Variants in DRAM2 observed in about 807,000 individuals in gnomAD.
DRAM2 encodes DNA damage regulated autophagy modulator 2, also known as DNA damage-regulated autophagy modulator protein 2.
Under a neutral mutation model 33.5 loss-of-function variants are expected in DRAM2, and 26 were observed. The ratio of observed to expected loss-of-function variants is 0.78; its 90% confidence interval spans 0.57 to 1.08. The LOEUF (loss-of-function observed/expected upper bound fraction) is 1.08, where lower values mean the gene tolerates loss of function less well. DRAM2 is among the 50% of genes least tolerant of loss of function. The probability of loss-of-function intolerance (pLI) is 0.00; values close to 1 mark genes in which losing one functional copy is unlikely to be tolerated. For missense variants in DRAM2, 311 were observed against 318.1 expected (o/e 0.98, Z 0.17); for synonymous variants, 98 against 109.5 (o/e 0.89, Z 0.66).
Position 111,140,065 on chromosome 1 carries a change from TGGCGCC to T in DRAM2, c.-278_-273del, listed in dbSNP as rs1159320830. The stretch of plus-strand genomic sequence containing the variant: ...TACCAGACCGACTAGCGCTGGCCGC[TGGCGCC>T]GAAGCCCCTATGCTAAAAGGAGACA... On this transcript the variant is annotated 5_prime_UTR_variant, in exon 1 of 10. Coordinates refer to ENST00000484310, the MANE Select transcript of DRAM2 (RefSeq NM_001349884.2). The T allele has an allele frequency of 1.3e-5, 2 of 152,484 alleles. No individual in the cohort carries two copies. The allele number at this position is 152,484 out of a possible 1,614,324, so 9.4% of individuals were successfully genotyped here. A position where few individuals can be genotyped will look rare whatever the true frequency, so the allele number is the denominator to read the frequency against.
At chr1:111,120,410 A>C in intron 7 of DRAM2, 106 bp downstream of exon 7, 1 of 408,708 alleles carries the variant, frequency 2.4e-6, no homozygotes, top group Non-Finnish European at 3.7e-6. Flanking sequence ...AAAAAAAAAA[A>C]AAAAAAAAAG....
chr1:111,131,285 TCC>T (rs1652021812), intron 4 of DRAM2, 137 bp downstream of exon 4: 1 of 944,002 alleles, frequency 1.1e-6, no homozygotes, highest in East Asian at 2.7e-5. Flanking sequence ...AAATTCAAGT[TCC>T]TTTTTATATT....
At chr1:111,130,572 C>CACAT (rs1651859481) in intron 4 of DRAM2, among the ~76,000 whole-genome samples, 1 of 151,124 alleles carries the variant, frequency 6.6e-6, no homozygotes, top group South Asian at 2.1e-4. Flanking sequence ...TGGTGGTGTG[C>CACAT]GCCTGTAATT....
chr1:111,124,962 A>C, intron 5 of DRAM2, 81 bp from the exon 6 acceptor site: 4 of 1,186,512 alleles, frequency 3.4e-6, no homozygotes, highest in Non-Finnish European at 4.7e-6. Flanking sequence ...CACAAAGGTC[A>C]CTGCTATCCA....
intron 3 of DRAM2, among the ~76,000 whole-genome samples, chr1:111,137,224 A>G (rs372844797): frequency 1.6e-4 from 24 of 150,146 alleles, no homozygotes; most frequent in African/African-American, 5.6e-4. Context: ...ACTGCACTCC[A>G]ACCTGGGCGA....
chr1:111,126,818 C>T (rs950718390), intron 4 of DRAM2, among the ~76,000 whole-genome samples: 1 of 152,198 alleles, frequency 6.6e-6, no homozygotes, highest in Admixed American at 6.5e-5. Flanking sequence ...CCCCTGCCCT[C>T]GCGGAGCTTA....
At chr1:111,129,331 TCATATAGAGGCTGAATACTTTCAGGGGTG>T (rs1651617082) in intron 4 of DRAM2, among the ~76,000 whole-genome samples, 4 of 152,168 alleles carry the variant, frequency 2.6e-5, no homozygotes, top group Admixed American at 2.6e-4. Flanking sequence ...TTCAAAAGCA[TCATATAGAGGCTGAATACTTTCAGGGGTG>T]GACCTAACTA....
intron 6 of DRAM2, among the ~76,000 whole-genome samples, chr1:111,120,930 A>G: frequency 6.6e-6 from 1 of 152,146 alleles, no homozygotes; most frequent in East Asian, 1.9e-4. Context: ...ATATAATAGG[A>G]ATTATTCATT....
At chr1:111,129,646 T>A (rs1409742870) in intron 4 of DRAM2, among the ~76,000 whole-genome samples, 1 of 152,126 alleles carries the variant, frequency 6.6e-6, no homozygotes, top group Non-Finnish European at 1.5e-5. Flanking sequence ...TATCTAGCAA[T>A]CTCACTTCTA....
chr1:111,120,404 A>T, intron 7 of DRAM2, 112 bp downstream of exon 7: 1 of 408,204 alleles, frequency 2.4e-6, no homozygotes, highest in Admixed American at 5.2e-5. Context: ...AAAAAAAAAA[A>T]AAAAAAAAAA....
In DRAM2 at chr1:111,119,868, A is replaced by G; in HGVS notation, c.600+9T>C. On this transcript the variant is annotated intron_variant, in intron 8 of 9. Transcript: ENST00000484310. The stretch of plus-strand genomic sequence containing the variant: ...TATAAAACTAAGTTTATAGACTGTA[A>G]GTTCTTACTTTGTCCTCGGGGTTCC... 1 of 1,609,920 alleles carries G rather than the reference A, an allele frequency of 6.2e-7. No homozygotes were observed. Among genetic ancestry groups the G allele is most frequent in the Non-Finnish European group, 8.5e-7 (1 of 1,176,692 alleles).
intron 3 of DRAM2, among the ~76,000 whole-genome samples, chr1:111,131,866 C>T (rs1369107298): frequency 6.6e-6 from 1 of 152,170 alleles, no homozygotes; most frequent in Non-Finnish European, 1.5e-5. Flanking sequence ...TCTCCATCTT[C>T]ACTGTCACTA....
At chr1:111,120,361 G>A (rs1649737163) in intron 7 of DRAM2, among the ~76,000 whole-genome samples, 155 bp downstream of exon 7, 1 of 98,962 alleles carries the variant, frequency 1.0e-5, no homozygotes, top group African/African-American at 3.9e-5. Flanking sequence ...TTAGGATTGT[G>A]AACCTAAGAA....
rs1305164429 is a variant in DRAM2, at chr1:111,118,461, A to G, written c.694-194T>C. On this transcript the variant is annotated intron_variant, in intron 9 of 9. Transcript: ENST00000484310. ...GAAAAACCAAGCTTCTCAATTCATAAAGTTCCCTGTTTTTCTTTGGTTTCT... is the reference window on the plus strand; with the variant it reads ...GAAAAACCAAGCTTCTCAATTCATAGAGTTCCCTGTTTTTCTTTGGTTTCT... 7.9e-6 allele frequency: 4 copies of G among 506,710 alleles called. No homozygotes were observed. In the South Asian group the frequency reaches 1.4e-4, roughly 18 times the overall value. 31.4% of individuals were successfully genotyped at this position (506,710 alleles called of 1,614,324 possible).
At chr1:111,132,473 AAGTTGGGAGGT>A (rs1471725831) in intron 3 of DRAM2, among the ~76,000 whole-genome samples, 1 of 152,072 alleles carries the variant, frequency 6.6e-6, no homozygotes, top group Non-Finnish European at 1.5e-5. Context: ...TTGGTGTCAG[AAGTTGGGAGGT>A]AGTCTAGTGG....
intron 8 of DRAM2, 48 bp from the exon 9 acceptor site, chr1:111,118,945 G>T (rs1287066463): frequency 7.6e-7 from 1 of 1,309,262 alleles, no homozygotes; most frequent in African/African-American, 1.5e-5. Context: ...TCATTTAAAC[G>T]ATCTATATAC....
chr1:111,117,508 G>T lies in DRAM2; in HGVS notation c.*652C>A, dbSNP rs1557878251. The T allele has an allele frequency of 6.6e-6, 1 of 151,844 alleles. No individual in the cohort carries two copies. The highest frequency in any genetic ancestry group is 2.4e-5 in the African/African-American group (1 of 41,308). 9.4% of individuals were successfully genotyped at this position (151,844 alleles called of 1,614,324 possible). ...AGAGACTAAACTTCATGAAACTACT[G>T]CAAGCATGTGTATGATAGACCAATT... On this transcript the variant is annotated 3_prime_UTR_variant, in exon 10 of 10. Coordinates refer to ENST00000484310, the MANE Select transcript of DRAM2 (RefSeq NM_001349884.2).
In DRAM2 at chr1:111,117,398, T is replaced by C. The variant is rs1414375852; in HGVS notation, c.*762A>G. On this transcript the variant is annotated 3_prime_UTR_variant, in exon 10 of 10. Coordinates refer to ENST00000484310, the MANE Select transcript of DRAM2 (RefSeq NM_001349884.2). ...AAACTTCTCAATGTTACATGAATAC[T>C]AACCCTTGTTTTATATAAAATATGA... 1 of 152,140 alleles carries C rather than the reference T, an allele frequency of 6.6e-6. No homozygotes were observed. Among genetic ancestry groups the C allele is most frequent in the African/African-American group, 2.4e-5 (1 of 41,452 alleles). The allele number at this position is 152,140 out of a possible 1,614,324, so 9.4% of individuals were successfully genotyped here.
At chr1:111,126,644 C>T (rs1651073743) in intron 4 of DRAM2, among the ~76,000 whole-genome samples, 1 of 88,304 alleles carries the variant, frequency 1.1e-5, no homozygotes, top group African/African-American at 5.8e-5. Flanking sequence ...CTAAACACCA[C>T]AGGCTTTTCA....
Sources: allele counts gnomAD v4.1 joint callset (sites outside exome capture counted in the v4.1 genomes callset), GRCh38; gene constraint gnomAD v4.1.1; transcripts MANE v1.5; gene names NCBI Gene and HGNC (gene_info 2026-07-23, HGNC 2026-07-21).